SLC24A4: variants seen among roughly 807,000 people sequenced by gnomAD.
SLC24A4 encodes sodium/potassium/calcium exchanger 4.
Under a neutral mutation model 79.0 loss-of-function variants are expected in SLC24A4, and 53 were observed. The observed-to-expected ratio is 0.67, with a 90% CI of 0.54 to 0.84. SLC24A4 has a LOEUF of 0.84. Among genes scored for constraint, SLC24A4 ranks in the 40% least tolerant of loss-of-function variants. SLC24A4 has a pLI of 0.00. For missense variants in SLC24A4, 731 were observed against 822.0 expected, an observed-to-expected ratio of 0.89 and a Z score of 1.35; for synonymous variants, 323 against 323.8, an observed-to-expected ratio of 1.00 and a Z score of 0.03.
intron 2 of SLC24A4, among the ~76,000 whole-genome samples, chr14:92,433,444 T>C (rs1324550787): frequency 6.6e-6 from 1 of 152,192 alleles, no homozygotes; most frequent in Non-Finnish European, 1.5e-5. Context: ...TTTGCTTGCA[T>C]TTCTCTTGGG....
chr14:92,406,037 A>G (rs1318551269), intron 2 of SLC24A4, among the ~76,000 whole-genome samples: 1 of 152,228 alleles, frequency 6.6e-6, no homozygotes, highest in East Asian at 1.9e-4. Flanking sequence ...TTTCCAAGAT[A>G]CAGTGGGGGT....
chr14:92,486,058 T>A (rs761913059), intron 13 of SLC24A4, among the ~76,000 whole-genome samples: 1 of 152,234 alleles, frequency 6.6e-6, no homozygotes, highest in Non-Finnish European at 1.5e-5. Context: ...CACTATGTCC[T>A]GGTGAGGCTC....
chr14:92,421,682 A>AT (rs1362795961), intron 2 of SLC24A4, among the ~76,000 whole-genome samples: 1 of 151,998 alleles, frequency 6.6e-6, no homozygotes, highest in East Asian at 1.9e-4. Context: ...TAATTTTTAT[A>AT]TTTTTAGTAG....
At chr14:92,351,312 G>A (rs946566392) in intron 2 of SLC24A4, among the ~76,000 whole-genome samples, 2 of 151,802 alleles carry the variant, frequency 1.3e-5, no homozygotes, top group Non-Finnish European at 2.9e-5. Context: ...GCGTCCTAAA[G>A]GTGGTTAGCA....
chr14:92,420,617 C>CA (rs1322454208), intron 2 of SLC24A4, among the ~76,000 whole-genome samples: 1 of 152,216 alleles, frequency 6.6e-6, no homozygotes, highest in Non-Finnish European at 1.5e-5. Context: ...TCATGATCAA[C>CA]AGCAGTAGCA....
intron 12 of SLC24A4, among the ~76,000 whole-genome samples, chr14:92,468,797 T>G (rs1315468932): frequency 6.6e-6 from 1 of 152,026 alleles, no homozygotes; most frequent in Non-Finnish European, 1.5e-5. Context: ...AATATAAAAC[T>G]CTTAGAGGAA....
At chr14:92,436,842 A>G (rs1371257734) in intron 3 of SLC24A4, among the ~76,000 whole-genome samples, 1 of 152,104 alleles carries the variant, frequency 6.6e-6, no homozygotes, top group Non-Finnish European at 1.5e-5. Context: ...TTCAAGTCAG[A>G]ATCCTAAGCT....
intron 2 of SLC24A4, among the ~76,000 whole-genome samples, chr14:92,352,174 A>T (rs1371851740): frequency 6.6e-6 from 1 of 152,184 alleles, no homozygotes; most frequent in Non-Finnish European, 1.5e-5. Context: ...TTGAACAAGG[A>T]GCTATGAATG....
intron 2 of SLC24A4, among the ~76,000 whole-genome samples, chr14:92,385,575 A>G (rs1257459512): frequency 6.6e-6 from 1 of 152,056 alleles, no homozygotes; most frequent in Non-Finnish European, 1.5e-5. Context: ...CATTTCACCC[A>G]TTATTATTCA....
At chr14:92,406,194 A>T (rs1890364680) in intron 2 of SLC24A4, among the ~76,000 whole-genome samples, 1 of 152,236 alleles carries the variant, frequency 6.6e-6, no homozygotes, top group South Asian at 2.1e-4. Flanking sequence ...TATGTCTCAC[A>T]TCTAGGGCAT....
chr14:92,426,874 C>T (rs528167493), intron 2 of SLC24A4, among the ~76,000 whole-genome samples: 39 of 152,118 alleles, frequency 2.6e-4, no homozygotes, highest in Non-Finnish European at 5.0e-4. Context: ...AAATTACTTC[C>T]CAGCCTTCCA....
intron 2 of SLC24A4, among the ~76,000 whole-genome samples, chr14:92,371,293 TAC>T (rs924759110): frequency 2.0e-5 from 3 of 152,184 alleles, no homozygotes; most frequent in Non-Finnish European, 2.9e-5. Context: ...TTTCCTTTTA[TAC>T]ACACAGTAAA....
chr14:92,417,408 T>C (rs1891039358), intron 2 of SLC24A4, among the ~76,000 whole-genome samples: 1 of 152,230 alleles, frequency 6.6e-6, no homozygotes, highest in African/African-American at 2.4e-5. Context: ...TGTAGAATGG[T>C]CTTGTGTTTT....
At chr14:92,328,858 G>A (rs1052997045) in intron 2 of SLC24A4, among the ~76,000 whole-genome samples, 3 of 152,238 alleles carry the variant, frequency 2.0e-5, no homozygotes, top group Admixed American at 6.5e-5. Context: ...AAGCTGCCAC[G>A]CCTACCACCA....
rs561164114 is a variant in SLC24A4 at position 92,427,331 on chromosome 14, C to T, written c.242-6581C>T. On this transcript the variant is annotated intron_variant, in intron 2 of 16. Coordinates refer to ENST00000532405, the MANE Select transcript of SLC24A4 (RefSeq NM_153646.4). ...TTGTGCCAGGACCTGGCAGCACAGGCATGACCAGTGTGGCCAGAGTAGAGT... is the reference window on the plus strand; with the variant it reads ...TTGTGCCAGGACCTGGCAGCACAGGTATGACCAGTGTGGCCAGAGTAGAGT... Among the ~76,000 whole-genome samples, 6 of 152,382 alleles carry T rather than the reference C, an allele frequency of 3.9e-5. No individual in the cohort carries two copies. In the South Asian group the frequency reaches 1.2e-3, roughly 32 times the overall value.
chr14:92,339,953 TGA>T (rs1271263785), intron 2 of SLC24A4, among the ~76,000 whole-genome samples: 2 of 152,198 alleles, frequency 1.3e-5, no homozygotes, highest in South Asian at 4.1e-4. Flanking sequence ...AGGAATAGGT[TGA>T]GAGAGGCAGG....
At chr14:92,395,565 G>A (rs1889726603) in intron 2 of SLC24A4, among the ~76,000 whole-genome samples, 1 of 152,038 alleles carries the variant, frequency 6.6e-6, no homozygotes, top group South Asian at 2.1e-4. Context: ...AGTTCCTAAA[G>A]ACTAAGCAAT....
At chr14:92,372,539 T>C (rs867745921) in intron 2 of SLC24A4, among the ~76,000 whole-genome samples, 1 of 152,144 alleles carries the variant, frequency 6.6e-6, no homozygotes, top group African/African-American at 2.4e-5. Context: ...TTATCCTGTA[T>C]GTACTGGTGT....
intron 2 of SLC24A4, among the ~76,000 whole-genome samples, chr14:92,335,337 TTTTTG>T (rs1432461412): frequency 4.4e-5 from 4 of 91,008 alleles, no homozygotes; most frequent in African/African-American, 2.4e-4. Flanking sequence ...ATGCCATGTT[TTTTTG>T]TTTTTGTTTT....
Sources: allele counts gnomAD v4.1 joint callset (sites outside exome capture counted in the v4.1 genomes callset), GRCh38; gene constraint gnomAD v4.1.1; transcripts MANE v1.5; gene names NCBI Gene and HGNC (gene_info 2026-07-23, HGNC 2026-07-21).